The following GALNT2 variants were observed in gnomAD, a reference collection of about 807,000 sequenced individuals.
GALNT2 encodes the protein polypeptide N-acetylgalactosaminyltransferase 2, also known as UDP-GalNAc:polypeptide N-acetylgalactosaminyltransferase 2.
A neutral mutation model predicts 81.4 loss-of-function variants in GALNT2; 31 were observed. That is an observed-to-expected ratio of 0.38 (90% CI 0.29 to 0.51). The LOEUF (loss-of-function observed/expected upper bound fraction) is 0.51. Among genes scored for constraint, GALNT2 ranks in the 20% least tolerant of loss-of-function variants. The pLI is 0.87. For synonymous variants in GALNT2, 303 were observed against 287.4 expected, an observed-to-expected ratio of 1.05 and a Z score of -0.55; for missense variants, 629 against 765.7, an observed-to-expected ratio of 0.82 and a Z score of 2.11.
intron 13 of GALNT2, 109 bp from the exon 14 acceptor site, chr1:230,265,132 C>A: frequency 6.8e-7 from 1 of 1,460,488 alleles, no homozygotes; most frequent in South Asian, 1.2e-5. Flanking sequence ...GTCACTGGGT[C>A]TTTCTCTCGT....
intron 1 of GALNT2, among the ~76,000 whole-genome samples, chr1:230,094,512 C>T (rs1407307136): frequency 6.6e-6 from 1 of 152,088 alleles, no homozygotes; most frequent in East Asian, 1.9e-4. Flanking sequence ...GTAGCAGGCA[C>T]CTGTAATCCC....
chr1:230,117,819 G>A (rs527430149), intron 1 of GALNT2, among the ~76,000 whole-genome samples: 2 of 152,340 alleles, frequency 1.3e-5, no homozygotes, highest in African/African-American at 4.8e-5. Flanking sequence ...AAATGGCAGT[G>A]ATAGACTTGC....
chr1:230,129,660 G>C (rs1006506976), intron 1 of GALNT2, among the ~76,000 whole-genome samples: 1 of 152,092 alleles, frequency 6.6e-6, no homozygotes, highest in Non-Finnish European at 1.5e-5. Context: ...TACACCCAAG[G>C]GTCCTTACTT....
At chr1:230,099,647 G>A (rs543419608) in intron 1 of GALNT2, among the ~76,000 whole-genome samples, 1 of 152,220 alleles carries the variant, frequency 6.6e-6, no homozygotes, top group African/African-American at 2.4e-5. Flanking sequence ...CCCTCAGAAG[G>A]TTTGCTGTGG....
intron 1 of GALNT2, among the ~76,000 whole-genome samples, chr1:230,076,080 C>T (rs1223216515): frequency 6.6e-6 from 1 of 152,214 alleles, no homozygotes; most frequent in African/African-American, 2.4e-5. Flanking sequence ...GTTCTGGTCT[C>T]CTCGATGAGG....
At chr1:230,177,429 T>TA (rs1663018362) in intron 1 of GALNT2, among the ~76,000 whole-genome samples, 1 of 152,272 alleles carries the variant, frequency 6.6e-6, no homozygotes, top group Admixed American at 6.5e-5. Context: ...CATGGCTTAT[T>TA]TCTGATTTGG....
At chr1:230,069,282 T>C (rs576354063) in intron 1 of GALNT2, among the ~76,000 whole-genome samples, 1 of 151,970 alleles carries the variant, frequency 6.6e-6, no homozygotes, top group Admixed American at 6.6e-5. Flanking sequence ...TTTTGTTTTG[T>C]TTTGTTTTGT....
chr1:230,177,078 G>T (rs967101501), intron 1 of GALNT2, among the ~76,000 whole-genome samples: 1 of 152,260 alleles, frequency 6.6e-6, no homozygotes, highest in Non-Finnish European at 1.5e-5. Context: ...CACAGTTTCT[G>T]TCTAATTACC....
chr1:230,066,960 T>A (rs1221624227), upstream of GALNT2, among the ~76,000 whole-genome samples: 1 of 149,706 alleles, frequency 6.7e-6, no homozygotes, highest in East Asian at 2.0e-4. Flanking sequence ...GCTGCAGCCA[T>A]GGAGACGCGG....
rs577359397 is a variant in GALNT2, at chr1:230,255,461, A to G, written c.1136+117A>G. The G allele has an allele frequency of 2.5e-4, 342 of 1,352,112 alleles. 1 individual carries two copies. In the African/African-American group the frequency reaches 4.5e-3, roughly 18 times the overall value. 83.8% of individuals were successfully genotyped at this position (1,352,112 alleles called of 1,614,324 possible). A position where few individuals can be genotyped will look rare whatever the true frequency, so the allele number is the denominator to read the frequency against. On this transcript the variant is annotated intron_variant, in intron 11 of 15. Coordinates refer to ENST00000366672, the MANE Select transcript of GALNT2 (RefSeq NM_004481.5). ...TCAGTGGGTGTGGTGCATTTATACA[A>G]TGGAATACCACTTAGCAATTGAAAG...
chr1:230,237,335 C>CCAGTGTG (rs1665063113), intron 6 of GALNT2, among the ~76,000 whole-genome samples: 1 of 152,190 alleles, frequency 6.6e-6, no homozygotes, highest in Non-Finnish European at 1.5e-5. Flanking sequence ...TAATTAACAT[C>CCAGTGTG]CAGTGTGTCA....
Position 230,067,397 on chromosome 1 carries a change from C to G in GALNT2, c.117C>G (p.Ala39=), listed in dbSNP as rs867479594. The change falls in exon 1 of 16, where the codon GCC becomes GCG. Residue 39 remains alanine, a synonymous_variant. Transcript: ENST00000366672. ...TGGCCGGGGGCGCGGGCGGCGGCGC[C>G]GGCAGGAAGGTGAGTGGAGCGCCCT... The part of the protein sequence containing the change: ...SALAGGAGGG[A]GRKEDWNEID... The G allele has an allele frequency of 8.0e-7, 1 of 1,250,218 alleles. No homozygotes were observed. Among genetic ancestry groups the G allele is most frequent in the Middle Eastern group, 2.7e-4 (1 of 3,648 alleles). 77.4% of individuals were successfully genotyped at this position (1,250,218 alleles called of 1,614,324 possible). A position where few individuals can be genotyped will look rare whatever the true frequency, so the allele number is the denominator to read the frequency against.
intron 1 of GALNT2, among the ~76,000 whole-genome samples, chr1:230,152,285 A>G (rs1391410797): frequency 1.3e-5 from 2 of 152,146 alleles, no homozygotes; most frequent in Non-Finnish European, 2.9e-5. Context: ...TACTTCTTTG[A>G]ATCCCCAGTC....
At chr1:230,115,437 A>C (rs1489418839) in intron 1 of GALNT2, among the ~76,000 whole-genome samples, 1 of 152,364 alleles carries the variant, frequency 6.6e-6, no homozygotes, top group East Asian at 1.9e-4. Flanking sequence ...GTGCATACAA[A>C]GTTATGTTTA....
intron 3 of GALNT2, among the ~76,000 whole-genome samples, chr1:230,221,762 A>C (rs950790531): frequency 3.3e-5 from 5 of 152,140 alleles, no homozygotes; most frequent in Non-Finnish European, 7.3e-5. Flanking sequence ...TTCTTCCATG[A>C]ATATTGACAT....
intron 1 of GALNT2, among the ~76,000 whole-genome samples, chr1:230,133,417 G>C (rs1192321163): frequency 6.6e-6 from 1 of 151,466 alleles, no homozygotes; most frequent in African/African-American, 2.4e-5. Context: ...TGCCTAGGTG[G>C]TAGTTGACGT....
At position 230,234,315 on chromosome 1, in the gene GALNT2, G is replaced by A. The variant is rs182013273; in HGVS notation, c.375-1699G>A. Among the ~76,000 whole-genome samples, 4 of 152,244 alleles carry A rather than the reference G, an allele frequency of 2.6e-5. No individual in the cohort carries two copies. The East Asian group carries it at 7.7e-4, about 29-fold the overall frequency. ...AGGAGAAGGTCAGAGAGAGACCTTG[G>A]TTCTGAGGCTTATTTCTGAGGTCTG... On this transcript the variant is annotated intron_variant, in intron 3 of 15. Transcript: ENST00000366672.
upstream of GALNT2, among the ~76,000 whole-genome samples, chr1:230,066,641 T>A (rs538124887): frequency 1.1e-4 from 17 of 152,164 alleles, no homozygotes; most frequent in Non-Finnish European, 2.2e-4. Context: ...AGCGGGCGGT[T>A]TGCACCAAAA....
chr1:230,076,134 C>T (rs550918651), intron 1 of GALNT2, among the ~76,000 whole-genome samples: 17 of 152,312 alleles, frequency 1.1e-4, no homozygotes, highest in Admixed American at 3.9e-4. Flanking sequence ...CTCTCATAAT[C>T]GCTTCCCTTA....
Sources: gnomAD v4.1 joint callset for allele counts (sites outside exome capture counted in the v4.1 genomes callset) on GRCh38, gnomAD v4.1.1 for gene constraint, MANE v1.5 for transcripts, NCBI Gene and HGNC (gene_info 2026-07-23, HGNC 2026-07-21) for gene names.